SSH2: variants seen among roughly 807,000 people sequenced by gnomAD.
The protein encoded by SSH2 is protein phosphatase Slingshot homolog 2.
SSH2 carries 37 observed loss-of-function variants against 135.2 expected under a neutral mutation model. The ratio of observed to expected loss-of-function variants is 0.27; its 90% CI spans 0.21 to 0.36. The LOEUF (loss-of-function observed/expected upper bound fraction) is 0.36. Among genes scored for constraint, SSH2 ranks in the 10% least tolerant of loss-of-function variants. SSH2 has a pLI of 1.00. For missense variants in SSH2, 1,408 were observed against 1,765.3 expected, an observed-to-expected ratio of 0.80 and a Z score of 3.63; for synonymous variants, 628 against 646.2, an observed-to-expected ratio of 0.97 and a Z score of 0.43.
In SSH2 at chr17:29,632,653, T is replaced by G; in HGVS notation, c.2541A>C (p.Ser847=). 1 of 1,614,174 alleles carries G rather than the reference T, an allele frequency of 6.2e-7. No individual in the cohort carries two copies. Among genetic ancestry groups the G allele is most frequent in the Non-Finnish European group, 8.5e-7 (1 of 1,180,034 alleles). Residue 847 remains serine (S), a synonymous_variant, in exon 16 of 16, where the codon TCA becomes TCC. Transcript: ENST00000540801. ...GGCAGCCTTCTGGGTTGCACATCCC[T>G]GAGTCTTTGGCTAGTTCAGGCTGGG... ...CTAQPELAKD[S]GMCNPEGCLT... is the part of the protein sequence containing the mutation.
chr17:29,869,581 A>AG (rs2065906785), intron 1 of SSH2, among the ~76,000 whole-genome samples: 1 of 152,234 alleles, frequency 6.6e-6, no homozygotes, highest in Non-Finnish European at 1.5e-5. Flanking sequence ...CCAAAATAGG[A>AG]GAGCATCAAG....
At chr17:29,832,333 T>C (rs1333778780) in intron 2 of SSH2, among the ~76,000 whole-genome samples, 1 of 152,150 alleles carries the variant, frequency 6.6e-6, no homozygotes, top group East Asian at 1.9e-4. Context: ...AGTCTCCCTA[T>C]GCTGCTTAGG....
intron 1 of SSH2, among the ~76,000 whole-genome samples, chr17:29,876,677 T>G (rs1023856280): frequency 2.6e-5 from 4 of 151,928 alleles, no homozygotes; most frequent in African/African-American, 4.8e-5. Context: ...TGCAGAAGAA[T>G]AAAACTAGAC....
chr17:29,929,253 A>G (rs995125329), intron 1 of SSH2: 1 of 152,676 alleles, frequency 6.5e-6, no homozygotes, highest in African/African-American at 2.4e-5. Context: ...TGTAAGGCAT[A>G]AATATCTGTA....
At chr17:29,667,308 T>G in intron 9 of SSH2, 85 bp from the exon 10 acceptor site, 1 of 1,043,570 alleles carries the variant, frequency 9.6e-7, no homozygotes, top group Non-Finnish European at 1.4e-6. Context: ...AGAATGATCC[T>G]GTCTTCTTCA....
Position 29,632,296 on chromosome 17 carries a change from C to T in SSH2, c.2898G>A (p.Gly966=). The change falls in exon 16 of 16, where the codon GGG becomes GGA. Residue 966 remains glycine (G), a synonymous_variant. Transcript: ENST00000540801. ...AATGGGACAGTGAGCCAGCCTCAGA[C>T]CCACTGTATTTCCCTTTGCCTTTGC... ...EMSKGKGKYS[G]SEAGSLSHSE... 1.9e-6 allele frequency: 3 copies of T among 1,614,110 alleles called. No individual in the cohort carries two copies. The highest frequency in any genetic ancestry group is 1.6e-4 in the Middle Eastern group (1 of 6,062).
intron 3 of SSH2, among the ~76,000 whole-genome samples, chr17:29,783,982 C>G (rs1246416747): frequency 7.7e-6 from 1 of 130,446 alleles, no homozygotes; most frequent in Non-Finnish European, 1.6e-5. Context: ...AGGAGAATGG[C>G]GTGAACCCGG....
At chr17:29,740,346 C>T (rs912657544) in intron 3 of SSH2, among the ~76,000 whole-genome samples, 6 of 152,170 alleles carry the variant, frequency 3.9e-5, no homozygotes, top group African/African-American at 1.4e-4. Context: ...AAGGAAGCAT[C>T]GCAGTCTCAA....
At chr17:29,744,076 T>C (rs541222763) in intron 3 of SSH2, among the ~76,000 whole-genome samples, 3 of 152,330 alleles carry the variant, frequency 2.0e-5, no homozygotes, top group Admixed American at 2.0e-4. Context: ...GTTAAAAATA[T>C]TCACAGCTCA....
At position 29,631,701 on chromosome 17, in the gene SSH2, C is replaced by T. The variant is rs1464260163; in HGVS notation, c.3493G>A (p.Val1165Ile). Residue 1165 changes from valine (V) to isoleucine (I), a missense_variant, in exon 16 of 16, where the codon GTT (valine) becomes ATT (isoleucine). This residue lies in a region of SSH2 where 1,080 missense variants were observed against 1,144.5 expected (regional missense o/e 0.94). Coordinates refer to ENST00000540801, the MANE Select transcript of SSH2 (RefSeq NM_001282129.2). The part of the protein sequence containing the change: ...SLDYLHPQTM[V>I]HLEGFTEQSS... The stretch of plus-strand genomic sequence containing the variant: ...TGCTCTGTGAAGCCCTCCAGGTGAA[C>T]CATAGTCTGGGGATGCAGGTAATCC... 3 of 1,614,176 alleles carry T rather than the reference C, an allele frequency of 1.9e-6. No individual in the cohort carries two copies. The highest frequency in any genetic ancestry group is 1.7e-5 in the Admixed American group (1 of 60,028).
At chr17:29,808,964 T>C (rs1184902989) in intron 2 of SSH2, among the ~76,000 whole-genome samples, 1 of 152,176 alleles carries the variant, frequency 6.6e-6, no homozygotes, top group Admixed American at 6.5e-5. Context: ...AAAAAAGATG[T>C]ATGAGCAGGC....
intron 11 of SSH2, among the ~76,000 whole-genome samples, chr17:29,664,209 TA>T (rs961958673): frequency 1.3e-5 from 2 of 152,028 alleles, no homozygotes; most frequent in African/African-American, 4.8e-5. Context: ...CCGTCTCTAC[TA>T]AAAACACAAA....
At chr17:29,681,362 A>AAAAAAG (rs2037980900) in intron 6 of SSH2, among the ~76,000 whole-genome samples, 1 of 147,976 alleles carries the variant, frequency 6.8e-6, no homozygotes, top group East Asian at 1.9e-4. Context: ...AAAAAAAAAA[A>AAAAAAG]GTAGCTTTTT....
At position 29,631,445 on chromosome 17, in the gene SSH2, C is replaced by A. The variant is rs1422810024; in HGVS notation, c.3749G>T (p.Ser1250Ile). Reference protein sequence around the residue: ...PHSSSSENIKSLSHSPGVVKE... With the variant: ...PHSSSSENIKILSHSPGVVKE... Reference sequence around the variant, plus strand: ...CACCACACCGGGGCTGTGGCTGAGACTCTTTATGTTTTCACTACTAGAGCT... The same window carrying A: ...CACCACACCGGGGCTGTGGCTGAGAATCTTTATGTTTTCACTACTAGAGCT... Residue 1250 changes from serine to isoleucine, a missense_variant, in exon 16 of 16, where the codon AGT (serine) becomes ATT (isoleucine). By Grantham distance (142) the Ser-to-Ile change is moderately radical (BLOSUM62 -2). This residue lies in a region of SSH2 where 1,080 missense variants were observed against 1,144.5 expected (regional missense o/e 0.94). Transcript: ENST00000540801. 6.2e-7 allele frequency: 1 copy of A among 1,614,048 alleles called. No individual in the cohort carries two copies. Among genetic ancestry groups the A allele is most frequent in the African/African-American group, 1.3e-5 (1 of 74,906 alleles).
intron 14 of SSH2, among the ~76,000 whole-genome samples, chr17:29,644,417 T>C (rs1246640572): frequency 6.6e-6 from 1 of 152,214 alleles, no homozygotes; most frequent in Non-Finnish European, 1.5e-5. Context: ...AACTGCTTCC[T>C]CTCTTTTTGG....
chr17:29,879,803 T>C (rs751711693), intron 1 of SSH2, among the ~76,000 whole-genome samples: 6 of 152,162 alleles, frequency 3.9e-5, no homozygotes, highest in Non-Finnish European at 8.8e-5. Context: ...CAAAACAAGA[T>C]GCAATGTTTC....
intron 1 of SSH2, among the ~76,000 whole-genome samples, chr17:29,925,742 G>C (rs1156697061): frequency 6.6e-6 from 1 of 151,464 alleles, no homozygotes. Context: ...GAAAATTGCT[G>C]TGAGTACATT....
chr17:29,647,486 G>C (rs1056188197), intron 14 of SSH2, among the ~76,000 whole-genome samples: 2 of 151,466 alleles, frequency 1.3e-5, no homozygotes, highest in African/African-American at 4.9e-5. Flanking sequence ...GCTGAACCTA[G>C]TCTTATAAGA....
At chr17:29,666,479 TC>T (rs1201038901) in intron 11 of SSH2, among the ~76,000 whole-genome samples, 1 of 152,052 alleles carries the variant, frequency 6.6e-6, no homozygotes. Flanking sequence ...GGTCAGGAGT[TC>T]AAGACCAACG....
Sources: gnomAD v4.1 joint callset for allele counts (sites outside exome capture counted in the v4.1 genomes callset) on GRCh38, gnomAD v4.1.1 for gene constraint, gnomAD v4.1.1 regional missense constraint, MANE v1.5 for transcripts, NCBI Gene and HGNC (gene_info 2026-07-23, HGNC 2026-07-21) for gene names.